Variants in ITGA11 observed in about 807,000 individuals in gnomAD.
The protein encoded by ITGA11 is integrin alpha-11.
Under a neutral mutation model 141.9 loss-of-function variants are expected in ITGA11, and 97 were observed. The ratio of observed to expected loss-of-function variants is 0.68; its 90% CI spans 0.58 to 0.81. ITGA11 has a LOEUF of 0.81. Among genes scored for constraint, ITGA11 ranks in the 30% least tolerant of loss-of-function variants. ITGA11 has a pLI of 0.00. For missense variants in ITGA11, 1,387 were observed against 1,559.2 expected (o/e 0.89, Z 1.86); for synonymous variants, 658 against 624.6 (o/e 1.05, Z -0.80).
chr15:68,403,133 G>A (rs1896552392), intron 1 of ITGA11, 104 bp from the exon 2 acceptor site: 4 of 730,464 alleles, frequency 5.5e-6, no homozygotes, highest in Admixed American at 4.5e-5. Context: ...ACCTTGGAGG[G>A]TCTTGGCTGT....
At chr15:68,313,365 T>C (rs7174916) in intron 23 of ITGA11, among the ~76,000 whole-genome samples, 14,087 of 151,882 alleles carry the variant, frequency 0.093, 804 homozygotes, top group African/African-American at 0.17. Flanking sequence ...TGGGGAAGAG[T>C]CTTTTCCCAC....
intron 1 of ITGA11, among the ~76,000 whole-genome samples, chr15:68,423,210 C>A (rs1176412553): frequency 6.6e-6 from 1 of 152,028 alleles, no homozygotes; most frequent in African/African-American, 2.4e-5. Context: ...CCTGGTGCTC[C>A]CTTTTCAGTA....
At position 68,364,806 on chromosome 15, in the gene ITGA11, T is replaced by C. The variant is rs1895365072; in HGVS notation, c.266-8A>G. ...TGGACAGGGTGACCCTTCCTGGGGT[T>C]GGGGGAGAAGTTCAGCTTGCAGCCC... On this transcript the variant is annotated splice_region_variant and splice_polypyrimidine_tract_variant and intron_variant, in intron 3 of 29. Transcript: ENST00000315757. The C allele has an allele frequency of 6.2e-7, 1 of 1,613,196 alleles. No individual in the cohort carries two copies. Among genetic ancestry groups the C allele is most frequent in the Non-Finnish European group, 8.5e-7 (1 of 1,179,486 alleles).
At position 68,299,247 on chromosome 15, in the gene ITGA11, G is replaced by A. The variant is rs1892972722; in HGVS notation, c.*3812C>T. ...GCTAAATCAGCAAGGCTCCGTTCCT[G>A]TTTCAGTTTCAGTTTTGGAACATGC... On this transcript the variant is annotated 3_prime_UTR_variant, in exon 30 of 30. Coordinates refer to ENST00000315757, the MANE Select transcript of ITGA11 (RefSeq NM_001004439.2). The A allele has an allele frequency of 6.6e-6, 1 of 152,100 alleles. No individual in the cohort carries two copies. Among genetic ancestry groups the A allele is most frequent in the Non-Finnish European group, 1.5e-5 (1 of 68,026 alleles). The allele number at this position is 152,100 out of a possible 1,614,324, so 9.4% of individuals were successfully genotyped here. A position where few individuals can be genotyped will look rare whatever the true frequency, so the allele number is the denominator to read the frequency against.
At position 68,328,150 on chromosome 15, in the gene ITGA11, A is replaced by C; in HGVS notation, c.2014T>G (p.Phe672Val). Residue 672 changes from phenylalanine (F) to valine (V), a missense_variant, in exon 16 of 30, where the codon TTC (phenylalanine) becomes GTC (valine). Coordinates refer to ENST00000315757, the MANE Select transcript of ITGA11 (RefSeq NM_001004439.2). The surrounding 1 kb of genome is among the most constrained non-coding windows in gnomAD (Gnocchi z 4.8). ...AGGAAGATGGGCGTGAAGCAGAGGA[A>C]GGCGGCCAGGCAGGTGGCATCCCTG... ...SGRDATCLAA[F>V]LCFTPIFLAP... The C allele has an allele frequency of 3.1e-6, 5 of 1,613,814 alleles. No homozygotes were observed. Among genetic ancestry groups the C allele is most frequent in the Non-Finnish European group, 4.2e-6 (5 of 1,179,852 alleles).
intron 10 of ITGA11, among the ~76,000 whole-genome samples, chr15:68,345,688 G>C (rs187603074): frequency 3.4e-4 from 52 of 152,302 alleles, no homozygotes; most frequent in Middle Eastern, 3.4e-3. Context: ...ACCATCTGTG[G>C]CGCTTCTGGC....
At chr15:68,355,347 C>T (rs1895038193) in intron 7 of ITGA11, among the ~76,000 whole-genome samples, 1 of 152,148 alleles carries the variant, frequency 6.6e-6, no homozygotes, top group South Asian at 2.1e-4. Context: ...CAGAAACACG[C>T]TAGTTGAGCA....
intron 20 of ITGA11, 86 bp from the exon 21 acceptor site, chr15:68,317,449 C>T (rs1366565551): frequency 2.1e-6 from 2 of 933,600 alleles, no homozygotes; most frequent in African/African-American, 1.6e-5. Flanking sequence ...AGCCTGCACC[C>T]CACTCTGCAG....
chr15:68,387,453 C>T (rs1284680150), intron 2 of ITGA11, among the ~76,000 whole-genome samples: 4 of 152,206 alleles, frequency 2.6e-5, no homozygotes, highest in Non-Finnish European at 1.5e-5. Flanking sequence ...CCAGGCCTCA[C>T]TCAGACCTAC....
intron 9 of ITGA11, among the ~76,000 whole-genome samples, chr15:68,350,099 A>G (rs1311860547): frequency 6.6e-6 from 1 of 152,238 alleles, no homozygotes; most frequent in Non-Finnish European, 1.5e-5. Context: ...TAAAAATGAG[A>G]ACATTAGCAA....
rs771309859 is a variant in ITGA11 at position 68,325,161 on chromosome 15, G to T, written c.2292C>A (p.Asp764Glu). 3 of 1,613,768 alleles carry T rather than the reference G, an allele frequency of 1.9e-6. No individual in the cohort carries two copies. Among genetic ancestry groups the T allele is most frequent in the African/African-American group, 1.3e-5 (1 of 74,900 alleles). ...LEDPDHGPML[D>E]DGWPTTLRVS... Reference sequence around the variant, plus strand: ...CTCTGAGAGTGGTGGGCCAGCCGTCGTCCAGCATGGGGCCATGGTCAGGGT... The same window carrying T: ...CTCTGAGAGTGGTGGGCCAGCCGTCTTCCAGCATGGGGCCATGGTCAGGGT... Residue 764 changes from aspartate to glutamate, a missense_variant, in exon 18 of 30, where the codon GAC becomes GAA. Coordinates refer to ENST00000315757, the MANE Select transcript of ITGA11 (RefSeq NM_001004439.2). This position sits in a 1 kb window ranked among gnomAD's most constrained non-coding sequence, Gnocchi z 5.5.
chr15:68,307,149 C>T lies in ITGA11; in HGVS notation c.3381+199G>A, dbSNP rs1893225618. Among the ~76,000 whole-genome samples, 1 of 152,180 alleles carries T rather than the reference C, an allele frequency of 6.6e-6. No individual in the cohort carries two copies. Among genetic ancestry groups the T allele is most frequent in the Non-Finnish European group, 1.5e-5 (1 of 68,032 alleles). On this transcript the variant is annotated intron_variant, in intron 28 of 29. Coordinates refer to ENST00000315757, the MANE Select transcript of ITGA11 (RefSeq NM_001004439.2). This position sits in a 1 kb window ranked among gnomAD's most constrained non-coding sequence, Gnocchi z 6.1. ...GTTCACACCAGACCTCTGGACCTTC[C>T]CTAGTGTTGCCCCTGAGGCTTTGTC... is the stretch of plus-strand genomic sequence containing the variant.
Position 68,302,474 on chromosome 15 carries a change from C to T in ITGA11, c.*585G>A, listed in dbSNP as rs1385775174. Reference sequence around the variant, plus strand: ...CACATCTCAGAGTCTTTCTTCATCCCTGGCTTGCAGCTGTCACCATCAAGC... The same window carrying T: ...CACATCTCAGAGTCTTTCTTCATCCTTGGCTTGCAGCTGTCACCATCAAGC... On this transcript the variant is annotated 3_prime_UTR_variant, in exon 30 of 30. Transcript: ENST00000315757. The T allele has an allele frequency of 6.5e-6, 1 of 152,712 alleles. No individual in the cohort carries two copies. The highest frequency in any genetic ancestry group is 1.5e-5 in the Non-Finnish European group (1 of 68,302). The allele number at this position is 152,712 out of a possible 1,614,324, so 9.5% of individuals were successfully genotyped here. A position where few individuals can be genotyped will look rare whatever the true frequency, so the allele number is the denominator to read the frequency against.
chr15:68,340,468 C>T (rs8028971), intron 10 of ITGA11, among the ~76,000 whole-genome samples: 30,363 of 151,990 alleles, frequency 0.2, 6,820 homozygotes, highest in African/African-American at 0.56. Flanking sequence ...AGGAACTGAA[C>T]GCTGTTTGAT....
chr15:68,367,715 G>A (rs2415008), intron 3 of ITGA11, among the ~76,000 whole-genome samples: 1 of 152,072 alleles, frequency 6.6e-6, no homozygotes, highest in African/African-American at 2.4e-5. Flanking sequence ...CTCTAGGTGC[G>A]CATTAAAGGT....
At chr15:68,384,325 C>CCAAGA (rs1306165815) in intron 2 of ITGA11, among the ~76,000 whole-genome samples, 27 of 152,018 alleles carry the variant, frequency 1.8e-4, no homozygotes, top group Non-Finnish European at 3.7e-4. Context: ...AAAAAATCAC[C>CCAAGA]CAAGAGATGC....
At position 68,400,728 on chromosome 15, in the gene ITGA11, A is replaced by ATATTAT. The variant is rs1491533979; in HGVS notation, c.164+2189_164+2190insATAATA. Among the ~76,000 whole-genome samples the ATATTAT allele has an allele frequency of 1.4e-4, 2 of 13,920 alleles. 1 individual carries two copies. Among genetic ancestry groups the ATATTAT allele is most frequent in the South Asian group, 5.7e-3 (2 of 350 alleles). The allele number at this position is 13,920 out of a possible 152,430, so 9.1% of individuals were successfully genotyped here. A position where few individuals can be genotyped will look rare whatever the true frequency, so the allele number is the denominator to read the frequency against. On this transcript the variant is annotated intron_variant, in intron 2 of 29. Transcript: ENST00000315757. ...TAATAAATATTATATATTATATAATAAATATTATATATTATATAATAAATA... is the reference window on the plus strand; with the variant it reads ...TAATAAATATTATATATTATATAATATATTATAATATTATATATTATATAATAAATA...
intron 1 of ITGA11, among the ~76,000 whole-genome samples, chr15:68,405,975 C>T (rs901512203): frequency 7.9e-5 from 12 of 152,182 alleles, no homozygotes; most frequent in Admixed American, 7.9e-4. Context: ...CGGCACTTTG[C>T]CTGGCTTCCT....
intron 2 of ITGA11, among the ~76,000 whole-genome samples, chr15:68,380,253 C>T (rs142088998): frequency 6.6e-6 from 1 of 152,278 alleles, no homozygotes; most frequent in East Asian, 1.9e-4. Context: ...GACAGATACT[C>T]TTTTCTTGTT....
Sources: gnomAD v4.1 joint callset for allele counts (sites outside exome capture counted in the v4.1 genomes callset) on GRCh38, gnomAD v4.1.1 for gene constraint, Gnocchi (gnomAD v3.1) non-coding constraint, MANE v1.5 for transcripts, NCBI Gene and HGNC (gene_info 2026-07-23, HGNC 2026-07-21) for gene names.